PIGF: variants seen among roughly 807,000 people sequenced by gnomAD.
The protein encoded by PIGF is GPI ethanolamine phosphate transferase, stabilizing subunit.
A neutral mutation model predicts 26.0 loss-of-function variants in PIGF; 23 were observed. The observed-to-expected ratio is 0.88, with a 90% CI of 0.64 to 1.25. The LOEUF is 1.25. Ranked by LOEUF, PIGF falls within the 50% of genes most tolerant of loss-of-function variation. PIGF has a pLI of 0.00. For synonymous variants in PIGF, 93 were observed against 92.6 expected, an observed-to-expected ratio of 1.00 and a Z score of -0.03; for missense variants, 278 against 249.9, an observed-to-expected ratio of 1.11 and a Z score of -0.76.
chr2:46,587,991 C>CATT, intron 5 of PIGF: 1 of 1,167,432 alleles, frequency 8.6e-7, no homozygotes, highest in East Asian at 3.0e-5. Context: ...TCCCTCTTCC[C>CATT]ACCTGAGTAA....
rs1353658774 is a variant in PIGF at position 46,606,339 on chromosome 2, G to C, written c.437+5889C>G. 2.0e-5 allele frequency among the ~76,000 whole-genome samples: 3 copies of C among 152,112 alleles called. No individual in the cohort carries two copies. In the East Asian group the frequency reaches 5.8e-4, roughly 29 times the overall value. On this transcript the variant is annotated intron_variant, in intron 4 of 5. Transcript: ENST00000281382. ...GTATCTGTGCCCTCTGACAACTTTT[G>C]ACATAAATGGTAGCATCCTGTACAC...
At chr2:46,616,569 G>A (rs182941887) in intron 1 of PIGF, 141 of 154,112 alleles carry the variant, frequency 9.1e-4, no homozygotes, top group Non-Finnish European at 8.7e-4. Flanking sequence ...GCATGACCCG[G>A]CCCACCTCGC....
Position 46,612,239 on chromosome 2 carries a change from G to C in PIGF, c.426C>G (p.Phe142Leu). Reference sequence around the variant, plus strand: ...AAATTAAAACTTACCCATTTCTACTGAACACTCTTAGCCATGCTTTGAGGT... The same window carrying C: ...AAATTAAAACTTACCCATTTCTACTCAACACTCTTAGCCATGCTTTGAGGT... ...GPNLKAWLRVFSRNGVTSIWE... is the reference protein window; with the variant it reads ...GPNLKAWLRVLSRNGVTSIWE... Residue 142 changes from phenylalanine (F) to leucine (L), a missense_variant, in exon 4 of 6, where the codon TTC (phenylalanine) becomes TTG (leucine). By Grantham distance (22) the Phe-to-Leu change is conservative. Coordinates refer to ENST00000281382, the MANE Select transcript of PIGF (RefSeq NM_002643.4). 8.5e-7 allele frequency: 1 copy of C among 1,183,420 alleles called. No individual in the cohort carries two copies. The highest frequency in any genetic ancestry group is 1.1e-6 in the Non-Finnish European group (1 of 889,330). 73.3% of individuals were successfully genotyped at this position (1,183,420 alleles called of 1,614,324 possible). A position where few individuals can be genotyped will look rare whatever the true frequency, so the allele number is the denominator to read the frequency against.
chr2:46,582,086 C>G (rs1240897657), intron 5 of PIGF: 1 of 154,966 alleles, frequency 6.5e-6, no homozygotes. Flanking sequence ...CTGCTTCCAC[C>G]TTTCAGATAT....
intron 4 of PIGF, among the ~76,000 whole-genome samples, chr2:46,598,071 T>G (rs1669942805): frequency 6.6e-6 from 1 of 152,188 alleles, no homozygotes; most frequent in Non-Finnish European, 1.5e-5. Flanking sequence ...ATCTTTTAAT[T>G]CATTTTGCAA....
chr2:46,613,784 A>C lies in PIGF; in HGVS notation c.230T>G (p.Val77Gly). 1 of 1,537,978 alleles carries C rather than the reference A, an allele frequency of 6.5e-7. No individual in the cohort carries two copies. The highest frequency in any genetic ancestry group is 1.4e-5 in the African/African-American group (1 of 72,828). ...GATACAGCATTTCAAAAATCCAGTT[A>C]CCTAAAAGAGAAATGAATAACCTGA... Reference protein sequence around the residue: ...SSKRSSLSHKVTGFLKCCIYF... With the variant: ...SSKRSSLSHKGTGFLKCCIYF... Residue 77 changes from valine to glycine, a missense_variant and splice_region_variant, in exon 3 of 6, where the codon GTA becomes GGA. By Grantham distance (109) the Val-to-Gly change is moderately radical. Coordinates refer to ENST00000281382, the MANE Select transcript of PIGF (RefSeq NM_002643.4).
intron 4 of PIGF, among the ~76,000 whole-genome samples, chr2:46,603,101 C>G (rs1272807930): frequency 1.3e-5 from 2 of 151,842 alleles, no homozygotes; most frequent in African/African-American, 2.4e-5. Flanking sequence ...AAAAAGTAAT[C>G]CCATTTATAA....
At chr2:46,603,802 G>A (rs537123683) in intron 4 of PIGF, among the ~76,000 whole-genome samples, 34 of 152,128 alleles carry the variant, frequency 2.2e-4, no homozygotes, top group Admixed American at 7.9e-4. Context: ...ATTGGGCTAA[G>A]ATTTCTTGAA....
intron 4 of PIGF, among the ~76,000 whole-genome samples, chr2:46,600,349 C>T (rs1478226930): frequency 6.6e-6 from 1 of 152,074 alleles, no homozygotes; most frequent in Non-Finnish European, 1.5e-5. Flanking sequence ...GAATGTTACT[C>T]AAGTAATCTA....
chr2:46,593,366 T>G (rs1347372662), intron 4 of PIGF, among the ~76,000 whole-genome samples: 2 of 152,138 alleles, frequency 1.3e-5, no homozygotes, highest in Non-Finnish European at 2.9e-5. Context: ...CTCCTAACCT[T>G]GTGATCCACC....
intron 4 of PIGF, among the ~76,000 whole-genome samples, chr2:46,597,002 T>C (rs1015955198): frequency 1.3e-5 from 2 of 152,196 alleles, no homozygotes; most frequent in African/African-American, 2.4e-5. Context: ...TACGTACCTG[T>C]CATTAAGTAA....
intron 5 of PIGF, among the ~76,000 whole-genome samples, chr2:46,587,219 G>A (rs1669606643): frequency 6.6e-6 from 1 of 151,842 alleles, no homozygotes; most frequent in South Asian, 2.1e-4. Context: ...TCATCCCTTT[G>A]GTAATGGAAA....
chr2:46,591,845 A>G, intron 5 of PIGF: 2 of 1,302,816 alleles, frequency 1.5e-6, no homozygotes, highest in Non-Finnish European at 2.0e-6. Flanking sequence ...TCTTATTGTG[A>G]TACAAGACGA....
At chr2:46,585,401 A>G (rs1480707794) in intron 5 of PIGF, among the ~76,000 whole-genome samples, 1 of 152,198 alleles carries the variant, frequency 6.6e-6, no homozygotes, top group Non-Finnish European at 1.5e-5. Flanking sequence ...AAATTATTAA[A>G]ATTACCAGGA....
At chr2:46,612,088 C>G in intron 4 of PIGF, 140 bp downstream of exon 4, 1 of 360,014 alleles carries the variant, frequency 2.8e-6, no homozygotes, top group Non-Finnish European at 5.1e-6. Context: ...TCCCTAATTG[C>G]AGTGACCCCT....
intron 5 of PIGF, among the ~76,000 whole-genome samples, chr2:46,592,131 C>G (rs951462034): frequency 6.6e-6 from 1 of 152,022 alleles, no homozygotes; most frequent in Non-Finnish European, 1.5e-5. Flanking sequence ...GCAGGAAGAT[C>G]GTTTAGGCCC....
Position 46,614,834 on chromosome 2 carries a change from C to A in PIGF, c.228+103G>T, listed in dbSNP as rs1387315971. 3 of 625,446 alleles carry A rather than the reference C, an allele frequency of 4.8e-6. No homozygotes were observed. The African/African-American group carries it at 5.5e-5, about 12-fold the overall frequency. 38.7% of individuals were successfully genotyped at this position (625,446 alleles called of 1,614,324 possible). On this transcript the variant is annotated intron_variant, in intron 2 of 5. Coordinates refer to ENST00000281382, the MANE Select transcript of PIGF (RefSeq NM_002643.4). The stretch of plus-strand genomic sequence containing the variant: ...GGGGAAAAATATCAGGTTCCCTTTG[C>A]TCACTATAAATAAGCTAATAAAGAC...
intron 5 of PIGF, among the ~76,000 whole-genome samples, chr2:46,590,389 TA>T (rs1194087759): frequency 6.6e-6 from 1 of 152,128 alleles, no homozygotes; most frequent in Admixed American, 6.5e-5. Context: ...TAAGCAAACC[TA>T]AACACATATT....
chr2:46,593,770 C>T (rs1669795063), intron 4 of PIGF, among the ~76,000 whole-genome samples: 1 of 152,142 alleles, frequency 6.6e-6, no homozygotes, highest in African/African-American at 2.4e-5. Flanking sequence ...TGAAAAGTAG[C>T]CTCTTCTAGA....
Sources: gnomAD v4.1 joint callset for allele counts (sites outside exome capture counted in the v4.1 genomes callset) on GRCh38, gnomAD v4.1.1 for gene constraint, MANE v1.5 for transcripts, NCBI Gene and HGNC (gene_info 2026-07-23, HGNC 2026-07-21) for gene names.